The following PRH1 variants were observed in gnomAD, a reference collection of about 807,000 sequenced individuals.
PRH1 encodes salivary acidic proline-rich phosphoprotein 1/2.
Under a neutral mutation model 7.9 loss-of-function variants are expected in PRH1, and 7 were observed. The observed-to-expected ratio is 0.89, with a 90% CI of 0.50 to 1.67. The LOEUF is 1.67. PRH1 is among the 40% of genes most tolerant of loss of function. The pLI, the probability that PRH1 is intolerant of heterozygous loss-of-function variation, is 0.00. For synonymous variants in PRH1, 45 were observed against 80.8 expected (o/e 0.56, Z 2.38); for missense variants, 109 against 223.6 (o/e 0.49, Z 3.27).
At chr12:11,003,595 TA>T (rs1321967475) in intron 1 of PRH1, among the ~76,000 whole-genome samples, 1 of 148,720 alleles carries the variant, frequency 6.7e-6, no homozygotes, top group African/African-American at 2.6e-5. Flanking sequence ...TATAAAAACT[TA>T]AAATAAAATT....
At chr12:11,066,209 G>C (rs1357999616) in intron 1 of PRH1, among the ~76,000 whole-genome samples, 1 of 148,770 alleles carries the variant, frequency 6.7e-6, no homozygotes, top group African/African-American at 2.4e-5. Context: ...GTATAGTTTT[G>C]TTTATAGAAC....
At chr12:11,151,034 A>G (rs995625989) in intron 1 of PRH1, among the ~76,000 whole-genome samples, 5 of 152,036 alleles carry the variant, frequency 3.3e-5, no homozygotes, top group Non-Finnish European at 5.9e-5. Context: ...TATCATTCTG[A>G]TACTCTGCCT....
At chr12:10,919,903 T>A (rs1950022732) in intron 2 of PRH1, among the ~76,000 whole-genome samples, 1 of 134,640 alleles carries the variant, frequency 7.4e-6, no homozygotes, top group African/African-American at 2.5e-5. Flanking sequence ...AAAATTTTTT[T>A]AATCTTTTTT....
intron 1 of PRH1, among the ~76,000 whole-genome samples, chr12:11,045,857 A>G (rs989753737): frequency 4.0e-5 from 6 of 151,384 alleles, no homozygotes; most frequent in Non-Finnish European, 2.9e-5. Flanking sequence ...TTAAGTTGGA[A>G]TACTGAAATG....
At chr12:11,075,761 T>G (rs1413345748) in intron 1 of PRH1, among the ~76,000 whole-genome samples, 1 of 144,092 alleles carries the variant, frequency 6.9e-6, no homozygotes, top group African/African-American at 2.5e-5. Context: ...TGAGAAATGC[T>G]TCTTCTTTGA....
At chr12:11,062,131 C>T (rs776679661) in intron 1 of PRH1, 1 of 1,613,662 alleles carries the variant, frequency 6.2e-7, no homozygotes, top group Non-Finnish European at 8.5e-7. Flanking sequence ...TAAACCAACT[C>T]TGGAGACTGC....
chr12:10,974,874 C>A (rs1275288773), intron 1 of PRH1, among the ~76,000 whole-genome samples: 2 of 152,008 alleles, frequency 1.3e-5, no homozygotes, highest in Non-Finnish European at 2.9e-5. Context: ...AAAGTAAAAA[C>A]CAAATCCAAA....
intron 2 of PRH1, among the ~76,000 whole-genome samples, chr12:10,960,045 A>T (rs924818619): frequency 6.6e-6 from 1 of 152,186 alleles, no homozygotes; most frequent in South Asian, 2.1e-4. Flanking sequence ...GGCAACACGC[A>T]CTCACTGGTG....
intron 1 of PRH1, among the ~76,000 whole-genome samples, chr12:11,005,054 C>T (rs898122816): frequency 6.6e-6 from 1 of 152,052 alleles, no homozygotes; most frequent in East Asian, 1.9e-4. Context: ...CTATGTGCAC[C>T]TGATTTCTGA....
At chr12:11,170,425 T>C (rs1055532653) in intron 1 of PRH1, among the ~76,000 whole-genome samples, 2 of 152,134 alleles carry the variant, frequency 1.3e-5, no homozygotes, top group Non-Finnish European at 2.9e-5. Flanking sequence ...CGGGCGCCTG[T>C]AGTCCCAGCT....
intron 1 of PRH1, among the ~76,000 whole-genome samples, chr12:11,035,687 T>C (rs1942406650): frequency 6.6e-6 from 1 of 152,196 alleles, no homozygotes; most frequent in African/African-American, 2.4e-5. Flanking sequence ...TCCTGCAACT[T>C]AGAAGAAACT....
intron 1 of PRH1, chr12:11,022,310 A>T: frequency 6.2e-7 from 1 of 1,614,206 alleles, no homozygotes; most frequent in Non-Finnish European, 8.5e-7. Flanking sequence ...GTTACAGCCC[A>T]GGCATTAGAA....
chr12:11,144,527 C>T (rs1407484399), intron 1 of PRH1, among the ~76,000 whole-genome samples: 2 of 152,204 alleles, frequency 1.3e-5, no homozygotes, highest in African/African-American at 4.8e-5. Context: ...GCCTCCCAGC[C>T]ATGAGAGAAA....
intron 1 of PRH1, among the ~76,000 whole-genome samples, chr12:11,059,772 G>A (rs964857762): frequency 6.6e-6 from 1 of 151,778 alleles, no homozygotes; most frequent in Admixed American, 6.6e-5. Flanking sequence ...CTTAACCTGA[G>A]AACAGAACAG....
chr12:10,950,265 AT>A (rs1433889900), intron 2 of PRH1, among the ~76,000 whole-genome samples: 7 of 152,230 alleles, frequency 4.6e-5, no homozygotes, highest in South Asian at 2.1e-4. Context: ...TTATGAGGTG[AT>A]CCTCCATCAT....
chr12:10,986,677 A>G (rs907002579), intron 1 of PRH1: 3 of 1,612,190 alleles, frequency 1.9e-6, no homozygotes, highest in South Asian at 1.1e-5. Context: ...TTTAATAATA[A>G]TGCCCAGAGC....
chr12:10,963,340 T>C (rs887002904), intron 2 of PRH1, among the ~76,000 whole-genome samples: 4 of 152,242 alleles, frequency 2.6e-5, no homozygotes, highest in African/African-American at 7.2e-5. Context: ...ATTTAAGTCA[T>C]TTCCTATCAT....
chr12:11,076,288 CATA>C, intron 1 of PRH1, among the ~76,000 whole-genome samples: 2 of 18,384 alleles, frequency 1.1e-4, no homozygotes, highest in Non-Finnish European at 7.2e-4. Context: ...TATAATAAAA[CATA>C]TCATTAATAC....
intron 2 of PRH1, among the ~76,000 whole-genome samples, chr12:10,967,706 C>T (rs577929757): frequency 1.3e-5 from 2 of 152,306 alleles, no homozygotes; most frequent in South Asian, 4.1e-4. Context: ...CAGGGAAATT[C>T]AATGAACAGC....
Sources: gnomAD v4.1 joint callset for allele counts (sites outside exome capture counted in the v4.1 genomes callset) on GRCh38, gnomAD v4.1.1 for gene constraint, MANE v1.5 for transcripts, NCBI Gene and HGNC (gene_info 2026-07-23, HGNC 2026-07-21) for gene names.